Variants in NUDT14 observed in about 807,000 individuals in gnomAD.
NUDT14 encodes uridine diphosphate glucose pyrophosphatase NUDT14.
Under a neutral mutation model 17.5 loss-of-function variants are expected in NUDT14, and 22 were observed. The ratio of observed to expected loss-of-function variants is 1.26; its 90% CI spans 0.90 to 1.80. The LOEUF is 1.80. Among genes scored for constraint, NUDT14 ranks in the 40% most tolerant of loss-of-function variants. NUDT14 has a pLI of 0.00. For missense variants in NUDT14, 296 were observed against 295.6 expected, an observed-to-expected ratio of 1.00 and a Z score of -0.01; for synonymous variants, 129 against 125.8, an observed-to-expected ratio of 1.03 and a Z score of -0.17.
chr14:105,176,744 C>G lies in NUDT14; in HGVS notation c.218G>C (p.Arg73Pro). Reference sequence around the variant, plus strand: ...TACAGCTGCTAGGGACCCTGGGAAGCGGCGCTCCACCTCACCCGCATACAC... The same window carrying G: ...TACAGCTGCTAGGGACCCTGGGAAGGGGCGCTCCACCTCACCCGCATACAC... ...PAVYAGEVER[R>P]FPGSLAAVDQ... The change falls in exon 4 of 5, where the codon CGC becomes CCC. Residue 73 changes from arginine to proline, a missense_variant. Arg to Pro is a moderately radical substitution (Grantham distance 103). Transcript: ENST00000392568. The G allele has an allele frequency of 2.5e-6, 4 of 1,612,500 alleles. No individual in the cohort carries two copies. Among genetic ancestry groups the G allele is most frequent in the Non-Finnish European group, 3.4e-6 (4 of 1,179,950 alleles).
chr14:105,181,139 T>A lies in NUDT14; in HGVS notation c.71A>T (p.His24Leu). 1 of 1,130,860 alleles carries A rather than the reference T, an allele frequency of 8.8e-7. No homozygotes were observed. Among genetic ancestry groups the A allele is most frequent in the Non-Finnish European group, 1.1e-6 (1 of 918,854 alleles). The allele number at this position is 1,130,860 out of a possible 1,614,324, so 70.1% of individuals were successfully genotyped here. A position where few individuals can be genotyped will look rare whatever the true frequency, so the allele number is the denominator to read the frequency against. The change falls in exon 1 of 5, where the codon CAT (histidine) becomes CTT (leucine). Residue 24 changes from histidine to leucine, a missense_variant. Physicochemically the swap from His to Leu is moderately conservative, Grantham distance 99. Transcript: ENST00000392568. The surrounding 1 kb of genome is among the most constrained non-coding windows in gnomAD (Gnocchi z 5.0). The part of the protein sequence containing the change: ...ASPYLRPLTL[H>L]YRQNGAQKSW... ...GGGGCGCGGGCTCACCTGGCGGTAA[T>A]GCAGCGTGAGCGGCCGCAGGTAGGG...
Position 105,176,556 on chromosome 14 carries a change from G to A in NUDT14, c.406C>T (p.Leu136=), listed in dbSNP as rs778286917. The A allele has an allele frequency of 1.4e-5, 22 of 1,612,690 alleles. No individual in the cohort carries two copies. Among genetic ancestry groups the A allele is most frequent in the Non-Finnish European group, 1.8e-5 (21 of 1,179,882 alleles). The change falls in exon 4 of 5, where the codon CTG becomes TTG. Residue 136 remains leucine (L), a synonymous_variant. Transcript: ENST00000392568. ...CACCAGTATGTGGCGACCCGGCGCA[G>A]ATCAGAGGGGGCCAAGTGGTAGCCA... ...ECGYHLAPSD[L]RRVATYWSGV...
At chr14:105,177,930 C>G (rs931549856) in intron 1 of NUDT14, among the ~76,000 whole-genome samples, 195 bp from the exon 2 acceptor site, 1 of 152,064 alleles carries the variant, frequency 6.6e-6, no homozygotes, top group Non-Finnish European at 1.5e-5. Context: ...AGGTCAAGGA[C>G]AGCCTAATAC....
chr14:105,175,704 G>A (rs1254072657), intron 4 of NUDT14: 6 of 999,064 alleles, frequency 6.0e-6, no homozygotes, highest in African/African-American at 3.5e-5. Flanking sequence ...CTGGCCCAGC[G>A]TGGAAATGCT....
At chr14:105,174,829 C>T (rs1889177387) in intron 4 of NUDT14, among the ~76,000 whole-genome samples, 1 of 152,190 alleles carries the variant, frequency 6.6e-6, no homozygotes, top group Non-Finnish European at 1.5e-5. Context: ...GACTGCCTCC[C>T]TGGGCCTTGT....
At chr14:105,175,826 G>C (rs781445042) in intron 4 of NUDT14, 166 of 1,040,714 alleles carry the variant, frequency 1.6e-4, no homozygotes, top group Non-Finnish European at 1.9e-4. Flanking sequence ...CATGTGCCAG[G>C]CTGACAGGTG....
chr14:105,173,336 A>C lies in NUDT14; in HGVS notation c.429-75T>G. The C allele has an allele frequency of 2.9e-6, 4 of 1,397,024 alleles. No homozygotes were observed. The highest frequency in any genetic ancestry group is 3.7e-6 in the Non-Finnish European group (4 of 1,080,654). The allele number at this position is 1,397,024 out of a possible 1,614,324, so 86.5% of individuals were successfully genotyped here. On this transcript the variant is annotated intron_variant, in intron 4 of 4. Transcript: ENST00000392568. The surrounding 1 kb of genome is among the most constrained non-coding windows in gnomAD (Gnocchi z 4.7). ...CCCCCTGGCCCTTCTACCACCCTCC[A>C]ACCCACCCTCTCCACTCTGCTCCCT...
intron 1 of NUDT14, among the ~76,000 whole-genome samples, chr14:105,178,960 G>A (rs943828850): frequency 2.0e-5 from 3 of 152,090 alleles, no homozygotes; most frequent in Admixed American, 6.5e-5. Flanking sequence ...TACCACTCCC[G>A]GGAGGCGACC....
intron 2 of NUDT14, chr14:105,177,334 A>G: frequency 1.8e-6 from 1 of 570,604 alleles, no homozygotes; most frequent in Non-Finnish European, 3.2e-6. Context: ...GACTGACAGG[A>G]CGTTTGGCCC....
At chr14:105,178,923 G>A (rs1889272858) in intron 1 of NUDT14, among the ~76,000 whole-genome samples, 1 of 152,162 alleles carries the variant, frequency 6.6e-6, no homozygotes, top group South Asian at 2.1e-4. Context: ...GTCCCGCGCA[G>A]GTCAGGCAGC....
chr14:105,178,627 G>A (rs1397718977), intron 1 of NUDT14, among the ~76,000 whole-genome samples: 2 of 152,148 alleles, frequency 1.3e-5, no homozygotes, highest in South Asian at 2.1e-4. Context: ...TCTCCGGCAC[G>A]CTCAGCCCAT....
intron 2 of NUDT14, 111 bp downstream of exon 2, chr14:105,177,581 C>T (rs935994223): frequency 1.4e-5 from 14 of 1,005,452 alleles, no homozygotes; most frequent in Middle Eastern, 2.8e-4. Flanking sequence ...TTGGAGCCCA[C>T]GCAGGGAACA....
chr14:105,178,898 G>C (rs1889271962), intron 1 of NUDT14, among the ~76,000 whole-genome samples: 1 of 152,166 alleles, frequency 6.6e-6, no homozygotes, highest in South Asian at 2.1e-4. Context: ...GTTTCCAAGG[G>C]AAGGGAGGGC....
At position 105,176,557 on chromosome 14, in the gene NUDT14, A is replaced by C; in HGVS notation, c.405T>G (p.Asp135Glu). 1 of 1,612,698 alleles carries C rather than the reference A, an allele frequency of 6.2e-7. No individual in the cohort carries two copies. The highest frequency in any genetic ancestry group is 2.2e-5 in the East Asian group (1 of 44,874). ...EECGYHLAPS[D>E]LRRVATYWSG... is the part of the protein sequence containing the mutation. ...ACCAGTATGTGGCGACCCGGCGCAG[A>C]TCAGAGGGGGCCAAGTGGTAGCCAC... The change falls in exon 4 of 5, where the codon GAT becomes GAG. Residue 135 changes from aspartate to glutamate, a missense_variant. Transcript: ENST00000392568.
intron 1 of NUDT14, among the ~76,000 whole-genome samples, chr14:105,178,913 G>A (rs1236777836): frequency 6.6e-6 from 1 of 152,158 alleles, no homozygotes; most frequent in African/African-American, 2.4e-5. Context: ...GAGGGCCGGC[G>A]TCCCGCGCAG....
chr14:105,181,059 G>A lies in NUDT14; in HGVS notation c.81+70C>T. 2.3e-6 allele frequency: 1 copy of A among 426,844 alleles called. No homozygotes were observed. The highest frequency in any genetic ancestry group is 3.2e-6 in the Non-Finnish European group (1 of 312,588). The allele number at this position is 426,844 out of a possible 1,614,324, so 26.4% of individuals were successfully genotyped here. A position where few individuals can be genotyped will look rare whatever the true frequency, so the allele number is the denominator to read the frequency against. On this transcript the variant is annotated intron_variant, in intron 1 of 4. Transcript: ENST00000392568. This position sits in a 1 kb window ranked among gnomAD's most constrained non-coding sequence, Gnocchi z 5.0. ...GGGCGGGGCCGGCAGCGCGGAAGATGGTGGGCGGGGCGCGGGTCGTGGGCC... is the reference window on the plus strand; with the variant it reads ...GGGCGGGGCCGGCAGCGCGGAAGATAGTGGGCGGGGCGCGGGTCGTGGGCC...
At position 105,173,297 on chromosome 14, in the gene NUDT14, G is replaced by A. The variant is rs755100726; in HGVS notation, c.429-36C>T. 35 of 1,460,764 alleles carry A rather than the reference G, an allele frequency of 2.4e-5. No individual in the cohort carries two copies. Among genetic ancestry groups the A allele is most frequent in the East Asian group, 2.1e-4 (8 of 38,802 alleles). The allele number at this position is 1,460,764 out of a possible 1,614,324, so 90.5% of individuals were successfully genotyped here. ...AGACAGGGTCTGCTGAGTCACCCAC[G>A]CTGGCCCCGCTGGCCCCCTGGCCCT... On this transcript the variant is annotated intron_variant, in intron 4 of 4. Transcript: ENST00000392568. The surrounding 1 kb of genome is among the most constrained non-coding windows in gnomAD (Gnocchi z 4.7).
intron 2 of NUDT14, chr14:105,177,413 TAGGGGCAAAGGCTCC>T: frequency 3.6e-6 from 2 of 549,344 alleles, no homozygotes. Flanking sequence ...CCCTGGATGC[TAGGGGCAAAGGCTCC>T]AGGACAGCCT....
intron 4 of NUDT14, among the ~76,000 whole-genome samples, chr14:105,175,102 G>C (rs1889182266): frequency 6.6e-6 from 1 of 152,236 alleles, no homozygotes; most frequent in Admixed American, 6.5e-5. Context: ...CAATCAGGCT[G>C]TGGCCCAGAG....
Sources: allele counts gnomAD v4.1 joint callset (sites outside exome capture counted in the v4.1 genomes callset), GRCh38; gene constraint gnomAD v4.1.1; non-coding constraint Gnocchi (gnomAD v3.1); transcripts MANE v1.5; gene names NCBI Gene and HGNC (gene_info 2026-07-23, HGNC 2026-07-21).